The following ADGRL2 variants were observed in gnomAD, a reference collection of about 807,000 sequenced individuals.
ADGRL2 encodes the protein calcium-independent alpha-latrotoxin receptor 2.
In ADGRL2, 44 loss-of-function variants were observed where a neutral mutation model predicts 157.4. The observed-to-expected ratio is 0.28, with a 90% CI of 0.22 to 0.36. The LOEUF is 0.36. Among genes scored for constraint, ADGRL2 ranks in the 10% least tolerant of loss-of-function variants. ADGRL2 has a pLI of 1.00. For synonymous variants in ADGRL2, 585 were observed against 624.7 expected, an observed-to-expected ratio of 0.94 and a Z score of 0.95; for missense variants, 1,510 against 1,768.9, an observed-to-expected ratio of 0.85 and a Z score of 2.63.
intron 1 of ADGRL2, among the ~76,000 whole-genome samples, chr1:81,732,373 T>C (rs1040561524): frequency 1.3e-5 from 2 of 152,218 alleles, no homozygotes; most frequent in African/African-American, 2.4e-5. Flanking sequence ...CTTTTTAAAC[T>C]CTATTGTTCT....
In ADGRL2 at chr1:81,990,785, G is replaced by A; in HGVS notation, c.4050G>A (p.Gln1350=). The A allele has an allele frequency of 6.2e-7, 1 of 1,614,074 alleles. No homozygotes were observed. ...QRTHSLLYQP[Q]KKVKSEGTDS... is the part of the protein sequence containing the mutation. ...CTCACTCCCTTCTGTACCAACCCCA[G>A]AAGAAAGTGAAGTCCGAGGGAACTG... Residue 1350 remains glutamine, a synonymous_variant, in exon 24 of 24, where the codon CAG becomes CAA. Transcript: ENST00000686636.
At chr1:81,640,257 T>C (rs2148798509) in intron 3 of ADGRL2, among the ~76,000 whole-genome samples, 1 of 152,236 alleles carries the variant, frequency 6.6e-6, no homozygotes, top group African/African-American at 2.4e-5. Context: ...TTGAGAGTAG[T>C]CCTGATGCCC....
intron 1 of ADGRL2, among the ~76,000 whole-genome samples, chr1:81,713,921 G>T (rs1050715417): frequency 1.3e-5 from 2 of 152,284 alleles, no homozygotes; most frequent in Middle Eastern, 3.4e-3. Context: ...AGAAAAAAAG[G>T]TTTAATGGTC....
chr1:81,665,267 G>A (rs897732303), intron 3 of ADGRL2, among the ~76,000 whole-genome samples: 19 of 152,110 alleles, frequency 1.2e-4, no homozygotes, highest in Admixed American at 8.5e-4. Flanking sequence ...TACAAACAGC[G>A]TAAGTACCTG....
rs146794853 is a variant in ADGRL2, at chr1:81,655,201, T to C, written c.-143+74221T>C. ...ATTTTTAGTAGAGACGGGTTTTCACTGTGTTAGCCAGGATGATCTCGATCT... is the reference window on the plus strand; with the variant it reads ...ATTTTTAGTAGAGACGGGTTTTCACCGTGTTAGCCAGGATGATCTCGATCT... On this transcript the variant is annotated intron_variant, in intron 3 of 24. Transcript: ENST00000370721. 2.3e-3 allele frequency among the ~76,000 whole-genome samples: 356 copies of C among 152,280 alleles called. 2 individuals carry two copies. The highest frequency in any genetic ancestry group is 0.022 in the East Asian group (114 of 5,162).
chr1:81,435,808 A>G (rs1399613922), intron 1 of ADGRL2, among the ~76,000 whole-genome samples: 2 of 152,204 alleles, frequency 1.3e-5, no homozygotes, highest in African/African-American at 2.4e-5. Context: ...AAAATCATAC[A>G]TCTTCAGACA....
chr1:81,671,927 G>C (rs200323536), intron 3 of ADGRL2, among the ~76,000 whole-genome samples: 1 of 152,184 alleles, frequency 6.6e-6, no homozygotes, highest in East Asian at 1.9e-4. Flanking sequence ...GGATATGTTT[G>C]TGTGTGTACA....
intron 1 of ADGRL2, among the ~76,000 whole-genome samples, chr1:81,747,235 A>G (rs559717901): frequency 1.2e-4 from 17 of 146,702 alleles, no homozygotes; most frequent in Admixed American, 1.0e-3. Context: ...GTATATATAC[A>G]TATATATGTA....
At chr1:81,540,201 AC>A (rs1246483362) in intron 2 of ADGRL2, among the ~76,000 whole-genome samples, 5 of 152,124 alleles carry the variant, frequency 3.3e-5, no homozygotes, top group African/African-American at 1.2e-4. Context: ...AAATCTTAAA[AC>A]TTTTTTCCTA....
intron 1 of ADGRL2, among the ~76,000 whole-genome samples, chr1:81,307,953 T>A (rs1659465210): frequency 6.6e-6 from 1 of 152,198 alleles, no homozygotes; most frequent in Admixed American, 6.5e-5. Flanking sequence ...GAGGGCAATC[T>A]TTCTGTCTCT....
Position 81,984,655 on chromosome 1 carries a change from A to C in ADGRL2, c.3355A>C (p.Ser1119Arg). The part of the protein sequence containing the change: ...CGGLPTESPH[S>R]SVKASTTRTS... ...AGGCCTCCCAACTGAGAGTCCCCACAGTTCAGTGAAGGCATCAACCACCAG... is the reference window on the plus strand; with the variant it reads ...AGGCCTCCCAACTGAGAGTCCCCACCGTTCAGTGAAGGCATCAACCACCAG... The change falls in exon 20 of 24, where the codon AGT becomes CGT. Residue 1119 changes from serine (S) to arginine (R), a missense_variant. Ser to Arg is a moderately radical substitution (Grantham distance 110). Coordinates refer to ENST00000686636, the MANE Select transcript of ADGRL2 (RefSeq NM_001366006.2). 1 of 1,613,020 alleles carries C rather than the reference A, an allele frequency of 6.2e-7. No homozygotes were observed.
chr1:81,692,750 C>A (rs564384975), intron 3 of ADGRL2, among the ~76,000 whole-genome samples: 3 of 152,084 alleles, frequency 2.0e-5, no homozygotes, highest in African/African-American at 7.2e-5. Flanking sequence ...CAGTAATAGG[C>A]ATTTTTTGCC....
intron 3 of ADGRL2, among the ~76,000 whole-genome samples, chr1:81,651,658 C>T (rs1218461663): frequency 6.6e-6 from 1 of 152,136 alleles, no homozygotes; most frequent in Non-Finnish European, 1.5e-5. Flanking sequence ...TATACTTTGG[C>T]ATCAATTCAT....
chr1:81,605,582 A>G (rs2081416726), intron 3 of ADGRL2, among the ~76,000 whole-genome samples: 1 of 152,204 alleles, frequency 6.6e-6, no homozygotes. Flanking sequence ...ATGAGTGTGT[A>G]CCTCAAGTAG....
Position 81,905,099 on chromosome 1 carries a change from CT to C in ADGRL2, c.74-1904del, listed in dbSNP as rs199618498. 4.5e-3 allele frequency among the ~76,000 whole-genome samples: 637 copies of C among 142,732 alleles called. 1 individual carries two copies. Among genetic ancestry groups the C allele is most frequent in the Middle Eastern group, 0.018 (5 of 278 alleles). The allele number at this position is 142,732 out of a possible 152,430, so 93.6% of individuals were successfully genotyped here. On this transcript the variant is annotated intron_variant, in intron 2 of 23. Transcript: ENST00000686636. ...CTTTCTTTTCTTTTTCCTTACTATA[CT>C]TTTTTTTTTTTTTGAGATGGGAGTT...
intron 1 of ADGRL2, among the ~76,000 whole-genome samples, chr1:81,397,641 T>C (rs1192588558): frequency 6.6e-6 from 1 of 152,124 alleles, no homozygotes; most frequent in Non-Finnish European, 1.5e-5. Context: ...CCTTTTTTGT[T>C]TCTGATTTTA....
chr1:81,378,990 C>A (rs1388881876), intron 1 of ADGRL2, among the ~76,000 whole-genome samples: 1 of 151,790 alleles, frequency 6.6e-6, no homozygotes, highest in Non-Finnish European at 1.5e-5. Context: ...TTTGTTAATA[C>A]CTCTCAGCTG....
At chr1:81,765,140 C>T (rs577222821) in intron 2 of ADGRL2, among the ~76,000 whole-genome samples, 2 of 151,970 alleles carry the variant, frequency 1.3e-5, no homozygotes, top group East Asian at 3.9e-4. Flanking sequence ...AAGATAAAAT[C>T]TAGTATCAAT....
At chr1:81,428,835 T>G (rs910846546) in intron 1 of ADGRL2, among the ~76,000 whole-genome samples, 2 of 152,080 alleles carry the variant, frequency 1.3e-5, no homozygotes, top group Non-Finnish European at 1.5e-5. Flanking sequence ...ATAAAGCACC[T>G]CTCTGTGCTT....
Sources: gnomAD v4.1 joint callset for allele counts (sites outside exome capture counted in the v4.1 genomes callset) on GRCh38, gnomAD v4.1.1 for gene constraint, MANE v1.5 for transcripts, NCBI Gene and HGNC (gene_info 2026-07-23, HGNC 2026-07-21) for gene names.